Variants in SEPTIN12 observed in about 807,000 individuals in gnomAD.
SEPTIN12 encodes septin-12.
SEPTIN12 carries 42 observed loss-of-function variants against 37.7 expected under a neutral mutation model. The observed-to-expected ratio is 1.11, with a 90% confidence interval of 0.87 to 1.44. The LOEUF (loss-of-function observed/expected upper bound fraction) is 1.44, where lower values mean the gene tolerates loss of function less well. Among genes scored for constraint, SEPTIN12 ranks in the 40% most tolerant of loss-of-function variants. SEPTIN12 has a pLI of 0.00. For synonymous variants in SEPTIN12, 254 were observed against 196.7 expected, an observed-to-expected ratio of 1.29 and a Z score of -2.44; for missense variants, 613 against 479.2, an observed-to-expected ratio of 1.28 and a Z score of -2.61.
intron 4 of SEPTIN12, among the ~76,000 whole-genome samples, chr16:4,785,356 C>G (rs1213386075): frequency 6.6e-6 from 1 of 151,096 alleles, no homozygotes; most frequent in Non-Finnish European, 1.5e-5. Context: ...GAGCTAGATT[C>G]TGTCTCAAAA....
At position 4,778,086 on chromosome 16, in the gene SEPTIN12, C is replaced by T. The variant is rs200709516; in HGVS notation, c.875G>A (p.Arg292His). Residue 292 changes from arginine (R) to histidine (H), a missense_variant and splice_region_variant, in exon 9 of 10, where the codon CGC (arginine) becomes CAC (histidine). Arg to His is a conservative substitution (Grantham distance 29, BLOSUM62 0). Coordinates refer to ENST00000268231, the MANE Select transcript of SEPTIN12 (RefSeq NM_144605.5). ...EFPLLRDLLIRSHLQDLKDIT... is the reference protein window; with the variant it reads ...EFPLLRDLLIHSHLQDLKDIT... ...AGCCCCAGGCTCCCCACACCCTCAC[C>T]GGATAAGCAGGTCTCTCAGGAGAGG... The T allele has an allele frequency of 1.1e-4, 180 of 1,614,006 alleles. No individual in the cohort carries two copies. Among genetic ancestry groups the T allele is most frequent in the Middle Eastern group, 1.6e-4 (1 of 6,084 alleles).
At position 4,783,726 on chromosome 16, in the gene SEPTIN12, G is replaced by C. The variant is rs376007922; in HGVS notation, c.553C>G (p.Arg185Gly). Residue 185 changes from arginine to glycine, a missense_variant, in exon 6 of 10, where the codon CGG becomes GGG. Coordinates refer to ENST00000268231, the MANE Select transcript of SEPTIN12 (RefSeq NM_144605.5). ...LDIEFLQRLCRTVNVVPVIAR... is the reference protein window; with the variant it reads ...LDIEFLQRLCGTVNVVPVIAR... ...ATCACGGGCACCACATTCACAGTCC[G>C]GCACAGCCGCTGCAGGAACTCAATG... is the stretch of plus-strand genomic sequence containing the variant. The C allele has an allele frequency of 3.1e-6, 5 of 1,613,922 alleles. No individual in the cohort carries two copies. Among genetic ancestry groups the C allele is most frequent in the African/African-American group, 1.3e-5 (1 of 74,940 alleles).
chr16:4,785,031 G>A (rs892117835), intron 4 of SEPTIN12, among the ~76,000 whole-genome samples: 3 of 152,080 alleles, frequency 2.0e-5, no homozygotes, highest in South Asian at 2.1e-4. Flanking sequence ...CGGACCACCC[G>A]AGGTCAGGAG....
At chr16:4,783,909 C>T (rs764751192) in intron 5 of SEPTIN12, 22 bp downstream of exon 5, 5 of 1,613,848 alleles carry the variant, frequency 3.1e-6, no homozygotes, top group Non-Finnish European at 4.2e-6. Flanking sequence ...TGGTCCTCGC[C>T]TTGCAGGTGC....
intron 8 of SEPTIN12, 82 bp from the exon 9 acceptor site, chr16:4,778,219 T>C: frequency 1.4e-6 from 2 of 1,408,754 alleles, no homozygotes; most frequent in Non-Finnish European, 2.0e-6. Context: ...TGACACCATT[T>C]CCCTTAGCCC....
upstream of SEPTIN12, among the ~76,000 whole-genome samples, chr16:4,791,813 G>A (rs914143182): frequency 2.0e-5 from 3 of 151,966 alleles, no homozygotes; most frequent in African/African-American, 4.8e-5. Flanking sequence ...TCAGCTTCCC[G>A]AGTAGCTGGG....
upstream of SEPTIN12, chr16:4,788,916 AGAGGTTATCACCCT>A (rs924381913): frequency 6.6e-6 from 1 of 152,202 alleles, no homozygotes; most frequent in African/African-American, 2.4e-5. Flanking sequence ...GGTGTATCTT[AGAGGTTATCACCCT>A]GACTTGAGAT....
upstream of SEPTIN12, among the ~76,000 whole-genome samples, chr16:4,790,995 G>A (rs190263350): frequency 1.3e-5 from 2 of 152,320 alleles, no homozygotes; most frequent in Admixed American, 6.5e-5. Context: ...AGCAGCTGAG[G>A]ATGTGGTTAG....
At chr16:4,782,156 G>C (rs2141870018) in intron 7 of SEPTIN12, among the ~76,000 whole-genome samples, 1 of 151,684 alleles carries the variant, frequency 6.6e-6, no homozygotes, top group South Asian at 2.1e-4. Flanking sequence ...CACCATGTTA[G>C]CCAGGCTGGT....
At chr16:4,782,476 G>C (rs115939010) in intron 7 of SEPTIN12, among the ~76,000 whole-genome samples, 1 of 152,304 alleles carries the variant, frequency 6.6e-6, no homozygotes, top group African/African-American at 2.4e-5. Flanking sequence ...TAGGAGTTCA[G>C]TTGCTGGGTC....
upstream of SEPTIN12, chr16:4,788,917 G>C (rs2082503767): frequency 6.6e-6 from 1 of 152,200 alleles, no homozygotes; most frequent in African/African-American, 2.4e-5. Context: ...GTGTATCTTA[G>C]AGGTTATCAC....
chr16:4,777,824 G>T lies in SEPTIN12; in HGVS notation c.1050C>A (p.Ala350=). Residue 350 remains alanine (A), a synonymous_variant, in exon 10 of 10, where the codon GCC becomes GCA. Coordinates refer to ENST00000268231, the MANE Select transcript of SEPTIN12 (RefSeq NM_144605.5). ...AGAACTCATCATCAGAATCGTCATG[G>T]GCCCCCCTGCAGACCTTGAAGGTCC... is the stretch of plus-strand genomic sequence containing the variant. ...TPRTFKVCRG[A]HDDSDDEF is the part of the protein sequence containing the mutation. The T allele has an allele frequency of 6.3e-7, 1 of 1,578,780 alleles. No homozygotes were observed. Among genetic ancestry groups the T allele is most frequent in the Non-Finnish European group, 8.6e-7 (1 of 1,163,424 alleles).
intron 2 of SEPTIN12, among the ~76,000 whole-genome samples, 176 bp from the exon 3 acceptor site, chr16:4,786,281 T>C (rs2082443325): frequency 6.6e-6 from 1 of 151,280 alleles, no homozygotes; most frequent in African/African-American, 2.4e-5. Context: ...CTCTAGTGAT[T>C]CTCGCACCTC....
intron 4 of SEPTIN12, among the ~76,000 whole-genome samples, chr16:4,784,735 A>G (rs907230796): frequency 7.3e-5 from 11 of 151,496 alleles, no homozygotes; most frequent in African/African-American, 2.4e-4. Context: ...TCGCCACTGC[A>G]CTCCAGCCTG....
At chr16:4,783,269 T>G in intron 7 of SEPTIN12, 193 bp downstream of exon 7, 1 of 608,742 alleles carries the variant, frequency 1.6e-6, no homozygotes, top group Non-Finnish European at 3.0e-6. Flanking sequence ...CGCAGACATT[T>G]TCTCCGATTC....
At chr16:4,791,485 G>C (rs1171080036), upstream of SEPTIN12, among the ~76,000 whole-genome samples, 1 of 152,134 alleles carries the variant, frequency 6.6e-6, no homozygotes, top group African/African-American at 2.4e-5. Context: ...GGAGGAGGTG[G>C]ATACTATTAA....
At position 4,783,890 on chromosome 16, in the gene SEPTIN12, C is replaced by T. The variant is rs1236496317; in HGVS notation, c.512+41G>A. 5 of 1,612,850 alleles carry T rather than the reference C, an allele frequency of 3.1e-6. No individual in the cohort carries two copies. The African/African-American group carries it at 4.0e-5, about 13-fold the overall frequency. ...GGGACCCCTTCTCCTCCTCCCTGCCCCGTGCAGGTGGTCCTCGCCTTGCAG... is the reference window on the plus strand; with the variant it reads ...GGGACCCCTTCTCCTCCTCCCTGCCTCGTGCAGGTGGTCCTCGCCTTGCAG... On this transcript the variant is annotated intron_variant, in intron 5 of 9. Transcript: ENST00000268231.
intron 7 of SEPTIN12, 62 bp from the exon 8 acceptor site, chr16:4,779,848 G>C: frequency 8.8e-7 from 1 of 1,136,880 alleles, no homozygotes; most frequent in South Asian, 1.2e-5. Context: ...GAGAAGAAAA[G>C]TCAAGGCACC....
intron 8 of SEPTIN12, 21 bp from the exon 9 acceptor site, chr16:4,778,158 T>C (rs777040404): frequency 6.2e-7 from 1 of 1,613,992 alleles, no homozygotes; most frequent in East Asian, 2.2e-5. Flanking sequence ...TGGGACTCAG[T>C]ATGGGCGCTG....
Sources: gnomAD v4.1 joint callset for allele counts (sites outside exome capture counted in the v4.1 genomes callset) on GRCh38, gnomAD v4.1.1 for gene constraint, MANE v1.5 for transcripts, NCBI Gene and HGNC (gene_info 2026-07-23, HGNC 2026-07-21) for gene names.